SSX5: variants seen among roughly 807,000 people sequenced by gnomAD.
SSX5 encodes SSX family member 5.
SSX5 carries 14 observed loss-of-function variants against 14.9 expected under a neutral mutation model. The ratio of observed to expected loss-of-function variants is 0.94; its 90% CI spans 0.62 to 1.47. The LOEUF (loss-of-function observed/expected upper bound fraction) is 1.47, where lower values mean the gene tolerates loss of function less well. Among genes scored for constraint, SSX5 ranks in the 40% most tolerant of loss-of-function variants. The pLI, the probability that SSX5 is intolerant of heterozygous loss-of-function variation, is 0.00. For synonymous variants in SSX5, 70 were observed against 55.4 expected (o/e 1.26, Z -1.17); for missense variants, 204 against 154.6 (o/e 1.32, Z -1.70).
chrX:48,190,163 T>G lies in SSX5; in HGVS notation c.436A>C (p.Asn146His), dbSNP rs1556924480. 3.3e-6 allele frequency: 4 copies of G among 1,210,876 alleles called. No homozygotes were observed. The South Asian group carries it at 7.0e-5, about 21-fold the overall frequency. ...GTCTTGTTAACCTTCTCAGAGGTAT[T>G]TAGTTTTCCTGAGGGGCGCAGCTGT... is the stretch of plus-strand genomic sequence containing the variant. Reference protein sequence around the residue: ...GKQLRPSGKLNTSEKVNKTSG... With the variant: ...GKQLRPSGKLHTSEKVNKTSG... The change falls in exon 6 of 8, where the codon AAT (asparagine) becomes CAT (histidine). Residue 146 changes from asparagine to histidine, a missense_variant. By Grantham distance (68) the Asn-to-His change is moderately conservative. Transcript: ENST00000347757.
At chrX:48,188,987 G>A (rs1409009494) in intron 6 of SSX5, among the ~76,000 whole-genome samples, 4 of 112,248 alleles carry the variant, frequency 3.6e-5, no homozygotes, top group African/African-American at 9.7e-5. Flanking sequence ...TCTAATTCAG[G>A]GCAAGACCCA....
chrX:48,190,013 C>T (rs2059413403), intron 6 of SSX5, 120 bp downstream of exon 6: 5 of 976,307 alleles, frequency 5.1e-6, no homozygotes, highest in African/African-American at 4.0e-5. Flanking sequence ...TGGAGCTGGG[C>T]GAGCTCCTCA....
rs112687457 is a variant in SSX5, at chrX:48,189,455, C to T, written c.466+678G>A. ...CACTCCACCCTTCAGCAACCACCAC[C>T]TTGATCAGCCAGCAGCCATCAACAC... On this transcript the variant is annotated intron_variant, in intron 6 of 7. Coordinates refer to ENST00000347757, the MANE Select transcript of SSX5 (RefSeq NM_175723.2). Among the ~76,000 whole-genome samples the T allele has an allele frequency of 3.1e-3, 343 of 111,977 alleles. 1 individual carries two copies. Among genetic ancestry groups the T allele is most frequent in the African/African-American group, 0.011 (326 of 30,873 alleles).
intron 7 of SSX5, 71 bp from the exon 8 acceptor site, chrX:48,186,927 C>T (rs1196227431): frequency 1.7e-6 from 2 of 1,154,932 alleles, no homozygotes; most frequent in South Asian, 1.8e-5. Context: ...ATCTCAACTC[C>T]TCCTGACCTG....
At chrX:48,193,355 A>G (rs142194159) in intron 4 of SSX5, among the ~76,000 whole-genome samples, 3,064 of 111,427 alleles carry the variant, frequency 0.027, 119 homozygotes, top group African/African-American at 0.096. Context: ...AATATTTCAA[A>G]CACACAGAAA....
rs1556924054 is a variant in SSX5 at position 48,187,661 on chromosome X, C to T, written c.537G>A (p.Glu179=). ...RERKQLVIYE[E]ISDPQEDDE ...CGTCATCTTCCTGAGGGTCGCTGAT[C>T]TCTTCATAAATCACCAGTTGCTTTC... The change falls in exon 7 of 8, where the codon GAG becomes GAA. Residue 179 remains glutamate (E), a synonymous_variant. Transcript: ENST00000347757. 7.5e-6 allele frequency: 9 copies of T among 1,208,032 alleles called. No individual in the cohort carries two copies. The highest frequency in any genetic ancestry group is 7.8e-6 in the Non-Finnish European group (7 of 894,965).
At chrX:48,187,320 C>T (rs782415281) in intron 7 of SSX5, among the ~76,000 whole-genome samples, 174 of 110,610 alleles carry the variant, frequency 1.6e-3, no homozygotes, top group Non-Finnish European at 2.9e-3. Flanking sequence ...ATTACCCGGT[C>T]GTGGTGGCGG....
In SSX5 at chrX:48,186,393, TG is replaced by T; in HGVS notation, c.*467del. 4.2e-6 allele frequency: 1 copy of T among 238,653 alleles called. No homozygotes were observed. The highest frequency in any genetic ancestry group is 7.5e-6 in the Non-Finnish European group (1 of 132,610). 19.7% of individuals were successfully genotyped at this position (238,653 alleles called of 1,213,427 possible). ...GTGTGTGTGTGTGTGTGTGTGTGTG[TG>T]TGTGTGTGTGCGCGCGCGCGCGCAT... is the stretch of plus-strand genomic sequence containing the variant. On this transcript the variant is annotated 3_prime_UTR_variant, in exon 8 of 8. Transcript: ENST00000347757.
intron 4 of SSX5, among the ~76,000 whole-genome samples, chrX:48,193,193 C>T (rs1455843523): frequency 8.9e-6 from 1 of 111,758 alleles, no homozygotes; most frequent in African/African-American, 3.2e-5. Context: ...GTTATTCAAA[C>T]CCACATGCTG....
chrX:48,187,048 T>C (rs782234652), intron 7 of SSX5, among the ~76,000 whole-genome samples, 192 bp from the exon 8 acceptor site: 4 of 111,752 alleles, frequency 3.6e-5, no homozygotes, highest in Non-Finnish European at 5.6e-5. Context: ...GCCTGGGTTA[T>C]CAATTCCTAG....
At chrX:48,188,716 A>G (rs1380934319) in intron 6 of SSX5, among the ~76,000 whole-genome samples, 1 of 112,426 alleles carries the variant, frequency 8.9e-6, no homozygotes, top group African/African-American at 3.2e-5. Flanking sequence ...GAAATGGCTA[A>G]GCTTAGTGAG....
At chrX:48,187,804 G>A (rs1186213658) in intron 6 of SSX5, 73 bp from the exon 7 acceptor site, 3 of 1,133,896 alleles carry the variant, frequency 2.6e-6, no homozygotes, top group Admixed American at 2.3e-5. Context: ...AGAGTGTTAG[G>A]CTCTGTTTTC....
rs782473942 is a variant in SSX5 at position 48,195,316 on chromosome X, A to G, written c.43T>C (p.Ser15Pro). The G allele has an allele frequency of 8.3e-7, 1 of 1,209,605 alleles. No homozygotes were observed. The highest frequency in any genetic ancestry group is 1.8e-5 in the African/African-American group (1 of 57,063). ...DAFVRRPRVG[S>P]QIPEKMQKAF... ...TTTTGCATCTTCTCTGGTATTTGAG[A>G]ACCAACCCTAGGTCTCCGTACAAAG... Residue 15 changes from serine (S) to proline (P), a missense_variant, in exon 2 of 8, where the codon TCT (serine) becomes CCT (proline). Transcript: ENST00000347757.
At chrX:48,187,489 C>A in intron 7 of SSX5, 138 bp downstream of exon 7, 1 of 812,042 alleles carries the variant, frequency 1.2e-6, no homozygotes, top group Non-Finnish European at 1.8e-6. Flanking sequence ...GAAATTTCAT[C>A]ATTCAGCCTC....
intron 3 of SSX5, 84 bp downstream of exon 3, chrX:48,194,656 T>C (rs1433696389): frequency 3.8e-6 from 4 of 1,048,207 alleles, no homozygotes; most frequent in Non-Finnish European, 5.2e-6. Flanking sequence ...CGTGGGGTAC[T>C]TTCTGCAGCC....
rs782282175 is a variant in SSX5 at position 48,186,774 on chromosome X, C to A, written c.*87G>T. 4.2e-6 allele frequency: 5 copies of A among 1,194,133 alleles called. No individual in the cohort carries two copies. The African/African-American group carries it at 8.8e-5, about 21-fold the overall frequency. On this transcript the variant is annotated 3_prime_UTR_variant, in exon 8 of 8. Coordinates refer to ENST00000347757, the MANE Select transcript of SSX5 (RefSeq NM_175723.2). ...CTTTCACTTGCTATACACCTGATGACGAGGGATCCGCAGCCATGCCCATGT... is the reference window on the plus strand; with the variant it reads ...CTTTCACTTGCTATACACCTGATGAAGAGGGATCCGCAGCCATGCCCATGT...
intron 1 of SSX5, among the ~76,000 whole-genome samples, 198 bp downstream of exon 1, chrX:48,196,533 C>T (rs1318105280): frequency 2.8e-4 from 31 of 109,781 alleles, no homozygotes; most frequent in African/African-American, 5.0e-4. Context: ...TGTGAGCCAC[C>T]GCGCCCCGCC....
At chrX:48,191,209 C>G (rs2146570161) in intron 5 of SSX5, among the ~76,000 whole-genome samples, 1 of 111,476 alleles carries the variant, frequency 9.0e-6, no homozygotes, top group African/African-American at 3.2e-5. Context: ...AGTCCTTAGG[C>G]TACTTTTTAT....
Position 48,187,882 on chromosome X carries a change from C to T in SSX5, c.467-151G>A, listed in dbSNP as rs1166143400. 28 of 787,967 alleles carry T rather than the reference C, an allele frequency of 3.6e-5. No homozygotes were observed. In the African/African-American group the frequency reaches 4.2e-4, roughly 12 times the overall value. The allele number at this position is 787,967 out of a possible 1,213,427, so 64.9% of individuals were successfully genotyped here. Reference sequence around the variant, plus strand: ...TCTTCTTTATCCAGTTTTTCACATTCTCTGGCTTAGAGAGGCTGAGACCTT... The same window carrying T: ...TCTTCTTTATCCAGTTTTTCACATTTTCTGGCTTAGAGAGGCTGAGACCTT... On this transcript the variant is annotated intron_variant, in intron 6 of 7. Coordinates refer to ENST00000347757, the MANE Select transcript of SSX5 (RefSeq NM_175723.2).
Sources: allele counts gnomAD v4.1 joint callset (sites outside exome capture counted in the v4.1 genomes callset), GRCh38; gene constraint gnomAD v4.1.1; transcripts MANE v1.5; gene names NCBI Gene and HGNC (gene_info 2026-07-23, HGNC 2026-07-21).